Variants in PCSK6 observed in about 807,000 individuals in gnomAD.
PCSK6 encodes paired basic amino acid cleaving enzyme 4.
Under a neutral mutation model 123.3 loss-of-function variants are expected in PCSK6, and 85 were observed. The observed-to-expected ratio is 0.69, with a 90% CI of 0.58 to 0.83. PCSK6 has a LOEUF of 0.83. Among genes scored for constraint, PCSK6 ranks in the 40% least tolerant of loss-of-function variants. The pLI is 0.00. For synonymous variants in PCSK6, 508 were observed against 516.0 expected, an observed-to-expected ratio of 0.98 and a Z score of 0.21; for missense variants, 1,191 against 1,282.3, an observed-to-expected ratio of 0.93 and a Z score of 1.09.
At chr15:101,364,291 A>G (rs913193223) in intron 13 of PCSK6, among the ~76,000 whole-genome samples, 12 of 152,220 alleles carry the variant, frequency 7.9e-5, no homozygotes, top group African/African-American at 2.9e-4. Flanking sequence ...AGATCCCAGC[A>G]CATTCTGTAA....
intron 1 of PCSK6, among the ~76,000 whole-genome samples, chr15:101,484,942 G>A (rs2057984823): frequency 6.6e-6 from 1 of 152,070 alleles, no homozygotes; most frequent in African/African-American, 2.4e-5. Flanking sequence ...AAGTCTCTTT[G>A]TGCACACGTG....
At chr15:101,358,624 G>A (rs539323356) in intron 13 of PCSK6, among the ~76,000 whole-genome samples, 5 of 152,348 alleles carry the variant, frequency 3.3e-5, no homozygotes, top group African/African-American at 1.2e-4. Context: ...ATGTCTGTTA[G>A]GATACGCAGA....
chr15:101,460,475 A>T (rs2057316608), intron 1 of PCSK6, among the ~76,000 whole-genome samples: 1 of 152,230 alleles, frequency 6.6e-6, no homozygotes, highest in African/African-American at 2.4e-5. Flanking sequence ...GCCATAAGGG[A>T]CAGGGGTAGC....
At chr15:101,462,958 C>T (rs1024521554) in intron 1 of PCSK6, 40 of 452,018 alleles carry the variant, frequency 8.8e-5, no homozygotes, top group Admixed American at 3.1e-4. Context: ...GCCCCAGGAG[C>T]AGCCTGGGAA....
intron 1 of PCSK6, among the ~76,000 whole-genome samples, chr15:101,479,466 C>T (rs1380424893): frequency 6.6e-6 from 1 of 152,164 alleles, no homozygotes; most frequent in East Asian, 1.9e-4. Context: ...GAGGCAGTCA[C>T]CAGGACACTC....
chr15:101,341,141 G>C (rs982999667), intron 13 of PCSK6, among the ~76,000 whole-genome samples: 8 of 151,490 alleles, frequency 5.3e-5, no homozygotes, highest in Non-Finnish European at 7.4e-5. Context: ...CACCATGTTG[G>C]CCAGGCTGGT....
At chr15:101,389,758 T>C (rs538027759) in intron 8 of PCSK6, among the ~76,000 whole-genome samples, 194 bp from the exon 9 acceptor site, 6 of 152,254 alleles carry the variant, frequency 3.9e-5, no homozygotes, top group East Asian at 1.9e-4. Flanking sequence ...CTAAATCACT[T>C]TGTAGGAAGA....
At chr15:101,450,410 C>G (rs565830741) in intron 1 of PCSK6, among the ~76,000 whole-genome samples, 1 of 152,292 alleles carries the variant, frequency 6.6e-6, no homozygotes, top group African/African-American at 2.4e-5. Flanking sequence ...CTGCTTTTAA[C>G]CATCCCCTCG....
intron 1 of PCSK6, among the ~76,000 whole-genome samples, chr15:101,450,740 G>A (rs1252451501): frequency 2.0e-5 from 3 of 152,156 alleles, no homozygotes; most frequent in Admixed American, 6.5e-5. Flanking sequence ...TCTGGCCCGG[G>A]CTCTGCTGTC....
At chr15:101,348,150 C>T (rs368722509) in intron 13 of PCSK6, among the ~76,000 whole-genome samples, 3 of 145,432 alleles carry the variant, frequency 2.1e-5, no homozygotes, top group Non-Finnish European at 3.1e-5. Flanking sequence ...CCCCCGCCCC[C>T]CCGGGGTCCC....
intron 11 of PCSK6, among the ~76,000 whole-genome samples, chr15:101,379,903 C>A (rs188237365): frequency 6.6e-6 from 1 of 152,134 alleles, no homozygotes; most frequent in African/African-American, 2.4e-5. Context: ...CACAGGTGGA[C>A]GTGAGGCATG....
chr15:101,369,863 G>A (rs995339208), intron 12 of PCSK6, among the ~76,000 whole-genome samples: 9 of 152,196 alleles, frequency 5.9e-5, no homozygotes, highest in Non-Finnish European at 8.8e-5. Context: ...CTGTATTCCC[G>A]GGACAGGCCC....
chr15:101,393,456 C>T lies in PCSK6; in HGVS notation c.997-32G>A, dbSNP rs376041852. The T allele has an allele frequency of 3.9e-5, 61 of 1,567,090 alleles. No homozygotes were observed. In the East Asian group the frequency reaches 4.3e-4, roughly 11 times the overall value. On this transcript the variant is annotated intron_variant, in intron 7 of 21. Transcript: ENST00000611716. ...GGACAAGAGGAACAAGGCTTAGCCC[C>T]GCAGCAGAACCTCGTAGGGTGGGTC...
At chr15:101,333,207 G>A (rs1041808770) in intron 13 of PCSK6, among the ~76,000 whole-genome samples, 1 of 152,142 alleles carries the variant, frequency 6.6e-6, no homozygotes, top group African/African-American at 2.4e-5. Context: ...CTGTTTAGAA[G>A]GTCATCACCC....
At chr15:101,439,908 CT>C (rs1332153018) in intron 2 of PCSK6, among the ~76,000 whole-genome samples, 10 of 152,182 alleles carry the variant, frequency 6.6e-5, no homozygotes, top group Non-Finnish European at 1.5e-4. Flanking sequence ...CATCTTTATC[CT>C]TCCATTTCCA....
At chr15:101,320,590 T>C (rs1335402489) in intron 18 of PCSK6, among the ~76,000 whole-genome samples, 2 of 152,184 alleles carry the variant, frequency 1.3e-5, no homozygotes, top group African/African-American at 4.8e-5. Context: ...TCTGCATAGA[T>C]GGCGGACACC....
At chr15:101,454,142 TA>T (rs1305501370) in intron 1 of PCSK6, among the ~76,000 whole-genome samples, 1 of 152,232 alleles carries the variant, frequency 6.6e-6, no homozygotes, top group Non-Finnish European at 1.5e-5. Flanking sequence ...ATTTTGTCTT[TA>T]TGAAAGACAT....
chr15:101,453,468 C>T (rs567409112), intron 1 of PCSK6, among the ~76,000 whole-genome samples: 1 of 152,240 alleles, frequency 6.6e-6, no homozygotes, highest in Non-Finnish European at 1.5e-5. Context: ...CCGATGCCCA[C>T]AGGGCCCAGC....
intron 7 of PCSK6, among the ~76,000 whole-genome samples, chr15:101,395,056 A>G (rs1424733124): frequency 1.3e-5 from 2 of 152,220 alleles, no homozygotes; most frequent in Non-Finnish European, 1.5e-5. Flanking sequence ...TAAAGCAACT[A>G]CAATGCAAAT....
Sources: allele counts gnomAD v4.1 joint callset (sites outside exome capture counted in the v4.1 genomes callset), GRCh38; gene constraint gnomAD v4.1.1; transcripts MANE v1.5; gene names NCBI Gene and HGNC (gene_info 2026-07-23, HGNC 2026-07-21).